SRRM4: variants seen among roughly 807,000 people sequenced by gnomAD.
SRRM4 encodes serine/arginine repetitive matrix protein 4.
In SRRM4, 33 loss-of-function variants were observed where a neutral mutation model predicts 68.9. The ratio of observed to expected loss-of-function variants is 0.48; its 90% confidence interval spans 0.36 to 0.64. The LOEUF (loss-of-function observed/expected upper bound fraction) is 0.64. SRRM4 is among the 30% of genes least tolerant of loss of function. The probability of loss-of-function intolerance (pLI) is 0.00; values close to 1 mark genes in which losing one functional copy is unlikely to be tolerated. For missense variants in SRRM4, 817 were observed against 827.1 expected (o/e 0.99, Z 0.15); for synonymous variants, 318 against 318.8 (o/e 1.00, Z 0.03).
At chr12:119,132,180 C>T (rs1027196651) in intron 8 of SRRM4, 11 of 152,258 alleles carry the variant, frequency 7.2e-5, no homozygotes, top group Admixed American at 2.6e-4. Flanking sequence ...TGCCCATCTG[C>T]GTACTCTCTC....
chr12:119,079,761 C>T (rs1042519325), intron 1 of SRRM4, among the ~76,000 whole-genome samples: 2 of 152,076 alleles, frequency 1.3e-5, no homozygotes, highest in Admixed American at 6.5e-5. Context: ...TTATTATGCC[C>T]GATCCTTTCC....
intron 1 of SRRM4, among the ~76,000 whole-genome samples, chr12:119,069,031 CA>C (rs1953862306): frequency 6.6e-6 from 1 of 151,998 alleles, no homozygotes; most frequent in Non-Finnish European, 1.5e-5. Context: ...GCACTAAGCC[CA>C]CAGATCTAAT....
chr12:119,107,483 G>A (rs910148787), intron 2 of SRRM4, among the ~76,000 whole-genome samples: 2 of 152,102 alleles, frequency 1.3e-5, no homozygotes, highest in African/African-American at 4.8e-5. Flanking sequence ...ATTAATTATT[G>A]CCTCAATTTC....
chr12:119,108,574 C>T (rs1954121881), intron 2 of SRRM4, among the ~76,000 whole-genome samples: 1 of 151,926 alleles, frequency 6.6e-6, no homozygotes, highest in Non-Finnish European at 1.5e-5. Context: ...ATGTAATGGC[C>T]TTCTTTGTCT....
intron 9 of SRRM4, 81 bp downstream of exon 9, chr12:119,145,766 C>G (rs879174297): frequency 4.3e-6 from 5 of 1,162,474 alleles, no homozygotes; most frequent in Middle Eastern, 2.1e-4. Context: ...CAGCCTCCCC[C>G]ACTCCACCCC....
intron 1 of SRRM4, among the ~76,000 whole-genome samples, chr12:119,065,173 A>G (rs564275020): frequency 6.6e-6 from 1 of 152,242 alleles, no homozygotes; most frequent in Non-Finnish European, 1.5e-5. Flanking sequence ...AGGACCAGCA[A>G]TCAAGAACCT....
At chr12:119,125,893 C>T (rs1285575614) in intron 7 of SRRM4, among the ~76,000 whole-genome samples, 2 of 151,496 alleles carry the variant, frequency 1.3e-5, no homozygotes, top group Non-Finnish European at 1.5e-5. Context: ...TGCACTCCAG[C>T]CTGGGTGACA....
intron 1 of SRRM4, among the ~76,000 whole-genome samples, chr12:119,033,636 C>T (rs1185966899): frequency 3.3e-5 from 5 of 151,372 alleles, no homozygotes; most frequent in Non-Finnish European, 7.4e-5. Flanking sequence ...TGCAGTCCAG[C>T]CTGGTGACAG....
chr12:119,012,471 T>A (rs1953456214), intron 1 of SRRM4, among the ~76,000 whole-genome samples: 1 of 152,232 alleles, frequency 6.6e-6, no homozygotes, highest in African/African-American at 2.4e-5. Flanking sequence ...CCTGCCCCCA[T>A]ACTCAGCCTT....
At position 119,098,719 on chromosome 12, in the gene SRRM4, A is replaced by G. The variant is rs528720011; in HGVS notation, c.132-3517A>G. 1.2e-4 allele frequency among the ~76,000 whole-genome samples: 19 copies of G among 152,270 alleles called. No homozygotes were observed. In the South Asian group the frequency reaches 3.5e-3, roughly 28 times the overall value. ...CTACTCTACCTTCTCCATCTCCTCAATGTTGACGCCATCCTTCCAGTTGCT... is the reference window on the plus strand; with the variant it reads ...CTACTCTACCTTCTCCATCTCCTCAGTGTTGACGCCATCCTTCCAGTTGCT... On this transcript the variant is annotated intron_variant, in intron 1 of 12. Coordinates refer to ENST00000267260, the MANE Select transcript of SRRM4 (RefSeq NM_194286.4).
At chr12:119,041,153 T>G (rs1011154712) in intron 1 of SRRM4, among the ~76,000 whole-genome samples, 2 of 152,180 alleles carry the variant, frequency 1.3e-5, no homozygotes, top group African/African-American at 4.8e-5. Context: ...GGTACTCGTA[T>G]TACCCCTGTC....
At chr12:119,112,378 G>A (rs1954150251) in intron 2 of SRRM4, among the ~76,000 whole-genome samples, 1 of 152,186 alleles carries the variant, frequency 6.6e-6, no homozygotes, top group Non-Finnish European at 1.5e-5. Context: ...CAACCATTGT[G>A]GAAGATGGTG....
intron 1 of SRRM4, among the ~76,000 whole-genome samples, chr12:119,022,004 G>A (rs1354696801): frequency 1.3e-5 from 2 of 151,988 alleles, no homozygotes. Flanking sequence ...CACAGGGAGG[G>A]GAACAACACA....
intron 4 of SRRM4, 106 bp downstream of exon 4, chr12:119,117,114 A>G (rs1954185584): frequency 2.2e-6 from 2 of 923,844 alleles, no homozygotes; most frequent in African/African-American, 3.3e-5. Context: ...TTTATGTAAA[A>G]CAATTATCTA....
At chr12:119,010,086 T>C (rs1272556949) in intron 1 of SRRM4, among the ~76,000 whole-genome samples, 1 of 152,206 alleles carries the variant, frequency 6.6e-6, no homozygotes, top group African/African-American at 2.4e-5. Flanking sequence ...CGAGTCTCTC[T>C]CTGTCACCCA....
intron 8 of SRRM4, chr12:119,133,028 T>A (rs1476032255): frequency 6.6e-6 from 1 of 152,164 alleles, no homozygotes; most frequent in Non-Finnish European, 1.5e-5. Flanking sequence ...GCCCAGTACT[T>A]GATACAGGTG....
chr12:119,042,822 T>C (rs1465823974), intron 1 of SRRM4, among the ~76,000 whole-genome samples: 1 of 151,526 alleles, frequency 6.6e-6, no homozygotes, highest in African/African-American at 2.4e-5. Context: ...AGAGTGACTA[T>C]GAGAGGCATG....
chr12:119,085,677 A>T (rs1211144727), intron 1 of SRRM4, among the ~76,000 whole-genome samples: 1 of 152,174 alleles, frequency 6.6e-6, no homozygotes, highest in Non-Finnish European at 1.5e-5. Flanking sequence ...TGCATTTTGG[A>T]AAAACAGCTT....
chr12:118,988,408 A>G (rs1285704813), intron 1 of SRRM4, among the ~76,000 whole-genome samples: 1 of 152,210 alleles, frequency 6.6e-6, no homozygotes, highest in Admixed American at 6.5e-5. Context: ...GGAGCCGTGG[A>G]AGGGAGCTGC....
Sources: allele counts gnomAD v4.1 joint callset (sites outside exome capture counted in the v4.1 genomes callset), GRCh38; gene constraint gnomAD v4.1.1; transcripts MANE v1.5; gene names NCBI Gene and HGNC (gene_info 2026-07-23, HGNC 2026-07-21).